VTI1A: variants seen among roughly 807,000 people sequenced by gnomAD.
VTI1A encodes the protein vesicle transport through interaction with t-SNAREs 1A.
Under a neutral mutation model 34.9 loss-of-function variants are expected in VTI1A, and 22 were observed. The ratio of observed to expected loss-of-function variants is 0.63; its 90% confidence interval spans 0.45 to 0.90. The LOEUF is 0.90. Ranked by LOEUF, VTI1A falls within the 40% of genes least tolerant of loss-of-function variation. The pLI, the probability that VTI1A is intolerant of heterozygous loss-of-function variation, is 0.00. For synonymous variants in VTI1A, 87 were observed against 97.3 expected, an observed-to-expected ratio of 0.89 and a Z score of 0.62; for missense variants, 268 against 275.6, an observed-to-expected ratio of 0.97 and a Z score of 0.20.
intron 4 of VTI1A, 138 bp downstream of exon 4, chr10:112,527,302 G>A (rs1850268305): frequency 1.7e-6 from 1 of 586,558 alleles, no homozygotes; most frequent in Non-Finnish European, 2.9e-6. Flanking sequence ...CAAAGCTGGA[G>A]TCTTAATCAA....
At position 112,447,413 on chromosome 10, in the gene VTI1A, G is replaced by A. The variant is rs1213203488; in HGVS notation, c.40G>A (p.Val14Met). Residue 14 changes from valine to methionine, a missense_variant, in exon 1 of 8, where the codon GTG becomes ATG. By Grantham distance (21) the Val-to-Met change is conservative (BLOSUM62 1). Transcript: ENST00000393077. The stretch of plus-strand genomic sequence containing the variant: ...CGAAGGTTACGAGCAGGACTTCGCG[G>A]TGCTCACTGCAGAGATCACCAGCAA... ...DFEGYEQDFA[V>M]LTAEITSKIA... 1 of 1,613,742 alleles carries A rather than the reference G, an allele frequency of 6.2e-7. No individual in the cohort carries two copies. The highest frequency in any genetic ancestry group is 8.5e-7 in the Non-Finnish European group (1 of 1,179,996).
intron 3 of VTI1A, among the ~76,000 whole-genome samples, chr10:112,502,802 G>T (rs1407136697): frequency 1.3e-5 from 2 of 152,124 alleles, no homozygotes; most frequent in African/African-American, 2.4e-5. Flanking sequence ...ATATAACCCT[G>T]TGTGCTTTTT....
rs149297203 is a variant in VTI1A at position 112,698,535 on chromosome 10, A to G, written c.560+29537A>G. 6.8e-4 allele frequency among the ~76,000 whole-genome samples: 104 copies of G among 152,350 alleles called. 1 individual carries two copies. Among genetic ancestry groups the G allele is most frequent in the African/African-American group, 2.4e-3 (98 of 41,586 alleles). On this transcript the variant is annotated intron_variant, in intron 7 of 7. Transcript: ENST00000393077. ...ATTTATTGTGTTAAGTTAGGACAAC[A>G]CAGAGCTATTGCTTAGCAACACTGG...
intron 7 of VTI1A, among the ~76,000 whole-genome samples, chr10:112,692,879 AC>A (rs759630556): frequency 6.6e-6 from 1 of 152,226 alleles, no homozygotes; most frequent in Non-Finnish European, 1.5e-5. Flanking sequence ...TCCCCACCAG[AC>A]AGTGAGTCCC....
chr10:112,585,663 C>CTTTTT (rs61436886), intron 5 of VTI1A, among the ~76,000 whole-genome samples: 13 of 117,284 alleles, frequency 1.1e-4, no homozygotes, highest in Non-Finnish European at 1.0e-4. Flanking sequence ...TTGTGGATTT[C>CTTTTT]TTTTTTTTTT....
intron 7 of VTI1A, among the ~76,000 whole-genome samples, chr10:112,736,109 GTGTATATATATATATA>G (rs1266502924): frequency 4.3e-5 from 5 of 116,888 alleles, no homozygotes; most frequent in Non-Finnish European, 6.7e-5. Context: ...ATATGTGTGT[GTGTATATATATATATA>G]TATATATATA....
intron 5 of VTI1A, among the ~76,000 whole-genome samples, chr10:112,622,618 C>A (rs1160623709): frequency 6.6e-6 from 1 of 152,158 alleles, no homozygotes; most frequent in Non-Finnish European, 1.5e-5. Context: ...TAAAAATCAT[C>A]AATTCCTATA....
chr10:112,485,674 A>C (rs1848601456), intron 3 of VTI1A, among the ~76,000 whole-genome samples: 1 of 152,262 alleles, frequency 6.6e-6, no homozygotes, highest in South Asian at 2.1e-4. Flanking sequence ...GTTTGTACAC[A>C]TGCTGATAGA....
intron 7 of VTI1A, among the ~76,000 whole-genome samples, chr10:112,753,049 AGATTT>A (rs1458649121): frequency 3.5e-5 from 5 of 143,278 alleles, no homozygotes; most frequent in Non-Finnish European, 7.4e-5. Flanking sequence ...AAATTAAATT[AGATTT>A]AATTATACAT....
At chr10:112,660,327 T>A (rs562164814) in intron 5 of VTI1A, among the ~76,000 whole-genome samples, 2 of 152,188 alleles carry the variant, frequency 1.3e-5, no homozygotes, top group African/African-American at 4.8e-5. Flanking sequence ...CTCGATCTCT[T>A]GACCTTGTGA....
rs11195994 is a variant in VTI1A, at chr10:112,559,947, G to A, written c.427+21617G>A. ...GACCAGCCAGAGTGGCCACACACGT[G>A]TGTGGGGATGTACCCATGGTTACCT... On this transcript the variant is annotated intron_variant, in intron 5 of 7. Coordinates refer to ENST00000393077, the MANE Select transcript of VTI1A (RefSeq NM_145206.4). Among the ~76,000 whole-genome samples, 631 of 152,336 alleles carry A rather than the reference G, an allele frequency of 4.1e-3. 3 individuals carry two copies. The highest frequency in any genetic ancestry group is 0.01 in the Middle Eastern group (3 of 294).
At chr10:112,655,158 G>A (rs1847185620) in intron 5 of VTI1A, among the ~76,000 whole-genome samples, 1 of 152,146 alleles carries the variant, frequency 6.6e-6, no homozygotes, top group Admixed American at 6.5e-5. Flanking sequence ...CACCCGTACT[G>A]AATTAGAAAT....
chr10:112,780,768 C>T (rs932743172), intron 7 of VTI1A, among the ~76,000 whole-genome samples: 2 of 152,108 alleles, frequency 1.3e-5, no homozygotes, highest in African/African-American at 4.8e-5. Flanking sequence ...CAGGCTGGCA[C>T]GATTCCGCCT....
chr10:112,482,015 C>T (rs1392513015), intron 3 of VTI1A, among the ~76,000 whole-genome samples: 1 of 152,082 alleles, frequency 6.6e-6, no homozygotes, highest in Non-Finnish European at 1.5e-5. Flanking sequence ...CTTATGATAT[C>T]AGTTTGAATG....
intron 5 of VTI1A, among the ~76,000 whole-genome samples, chr10:112,551,641 T>A (rs1851364299): frequency 1.3e-5 from 2 of 152,216 alleles, no homozygotes; most frequent in Non-Finnish European, 2.9e-5. Flanking sequence ...CTTGGCAAAA[T>A]GCCTATGGGA....
At chr10:112,722,349 G>C (rs1272730146) in intron 7 of VTI1A, among the ~76,000 whole-genome samples, 3 of 151,952 alleles carry the variant, frequency 2.0e-5, no homozygotes, top group Non-Finnish European at 4.4e-5. Context: ...ATCACACACC[G>C]GGACCTGTCG....
chr10:112,624,796 T>C (rs2134587648), intron 5 of VTI1A, among the ~76,000 whole-genome samples: 1 of 152,288 alleles, frequency 6.6e-6, no homozygotes, highest in South Asian at 2.1e-4. Context: ...GAATTGTTTA[T>C]TGTAATGGGT....
intron 7 of VTI1A, among the ~76,000 whole-genome samples, chr10:112,795,226 G>A (rs1852629129): frequency 6.6e-6 from 1 of 152,160 alleles, no homozygotes; most frequent in South Asian, 2.1e-4. Context: ...CCACCAACTA[G>A]CTGTGTGATC....
At chr10:112,788,433 C>T (rs776668491) in intron 7 of VTI1A, among the ~76,000 whole-genome samples, 2 of 152,162 alleles carry the variant, frequency 1.3e-5, no homozygotes, top group Non-Finnish European at 2.9e-5. Flanking sequence ...TCTTAAAAGC[C>T]ATGTGTCTGA....
Sources: allele counts gnomAD v4.1 joint callset (sites outside exome capture counted in the v4.1 genomes callset), GRCh38; gene constraint gnomAD v4.1.1; transcripts MANE v1.5; gene names NCBI Gene and HGNC (gene_info 2026-07-23, HGNC 2026-07-21).